The following SCMH1 variants were observed in gnomAD, a reference collection of about 807,000 sequenced individuals.
The protein encoded by SCMH1 is polycomb protein SCMH1.
SCMH1 carries 37 observed loss-of-function variants against 70.8 expected under a neutral mutation model. That is an observed-to-expected ratio of 0.52 (90% CI 0.40 to 0.69). SCMH1 has a LOEUF of 0.69. Ranked by LOEUF, SCMH1 falls within the 30% of genes least tolerant of loss-of-function variation. The pLI, the probability that SCMH1 is intolerant of heterozygous loss-of-function variation, is 0.00. For missense variants in SCMH1, 607 were observed against 827.3 expected, an observed-to-expected ratio of 0.73 and a Z score of 3.27; for synonymous variants, 292 against 307.4, an observed-to-expected ratio of 0.95 and a Z score of 0.52.
At chr1:41,112,109 C>A (rs1669391357) in intron 8 of SCMH1, among the ~76,000 whole-genome samples, 1 of 152,046 alleles carries the variant, frequency 6.6e-6, no homozygotes, top group African/African-American at 2.4e-5. Flanking sequence ...TATTTTATTT[C>A]TGTCTATAAA....
intron 4 of SCMH1, chr1:41,152,514 G>T: frequency 1.4e-6 from 2 of 1,408,672 alleles, no homozygotes; most frequent in Non-Finnish European, 2.0e-6. Flanking sequence ...AGGAACATTT[G>T]ATACAGACCT....
At chr1:41,177,762 A>C (rs909139724) in intron 2 of SCMH1, among the ~76,000 whole-genome samples, 2 of 152,220 alleles carry the variant, frequency 1.3e-5, no homozygotes, top group African/African-American at 4.8e-5. Context: ...TCTACGTCTG[A>C]TTGGTGTACC....
chr1:41,207,622 G>C (rs1655877316), intron 1 of SCMH1, among the ~76,000 whole-genome samples: 1 of 152,134 alleles, frequency 6.6e-6, no homozygotes, highest in South Asian at 2.1e-4. Flanking sequence ...GTCAATATTA[G>C]ACAGATCAAC....
intron 2 of SCMH1, among the ~76,000 whole-genome samples, chr1:41,181,850 C>T (rs928116062): frequency 7.8e-4 from 119 of 152,172 alleles, no homozygotes; most frequent in Non-Finnish European, 7.9e-4. Context: ...CATTACTGGG[C>T]ATATACCCAA....
chr1:41,095,117 A>T (rs1486925980), intron 8 of SCMH1, among the ~76,000 whole-genome samples: 2 of 152,164 alleles, frequency 1.3e-5, no homozygotes, highest in Non-Finnish European at 2.9e-5. Context: ...ACTAGAATAC[A>T]ACTTCTTAAG....
At chr1:41,085,585 T>A (rs1189152707) in intron 8 of SCMH1, among the ~76,000 whole-genome samples, 2 of 152,168 alleles carry the variant, frequency 1.3e-5, no homozygotes, top group Admixed American at 1.3e-4. Flanking sequence ...CAATCTGTAT[T>A]TGTAGATGAC....
chr1:41,118,482 T>C (rs923050379), intron 6 of SCMH1, among the ~76,000 whole-genome samples: 7 of 152,182 alleles, frequency 4.6e-5, no homozygotes, highest in African/African-American at 1.7e-4. Context: ...TCATTTTGGT[T>C]CCTCTCAATG....
At chr1:41,177,608 C>A (rs1647340325) in intron 2 of SCMH1, among the ~76,000 whole-genome samples, 1 of 152,056 alleles carries the variant, frequency 6.6e-6, no homozygotes, top group African/African-American at 2.4e-5. Flanking sequence ...GCCTCAGTAG[C>A]CGATTTGATC....
chr1:41,059,000 G>A (rs1396568958), intron 10 of SCMH1, among the ~76,000 whole-genome samples: 1 of 152,186 alleles, frequency 6.6e-6, no homozygotes, highest in Non-Finnish European at 1.5e-5. Context: ...GACCATCGAA[G>A]AGTTTACTTG....
At chr1:41,157,586 G>A (rs1349699817) in intron 4 of SCMH1, among the ~76,000 whole-genome samples, 1 of 152,204 alleles carries the variant, frequency 6.6e-6, no homozygotes. Context: ...TGTTTTCGAA[G>A]GTCCAGGCAG....
chr1:41,200,390 G>C (rs1007853995), intron 1 of SCMH1, among the ~76,000 whole-genome samples: 1 of 152,060 alleles, frequency 6.6e-6, no homozygotes, highest in African/African-American at 2.4e-5. Flanking sequence ...TGAGGCAGGA[G>C]AATGGCGTGA....
intron 2 of SCMH1, among the ~76,000 whole-genome samples, chr1:41,173,992 A>G (rs561833282): frequency 1.3e-5 from 2 of 152,290 alleles, no homozygotes; most frequent in East Asian, 3.9e-4. Context: ...CAGCTAAATA[A>G]AAGAAATAAG....
chr1:41,176,334 G>T (rs1434040154), intron 2 of SCMH1, among the ~76,000 whole-genome samples: 1 of 152,154 alleles, frequency 6.6e-6, no homozygotes, highest in Non-Finnish European at 1.5e-5. Flanking sequence ...CGACACAGAA[G>T]ACCGGTGATT....
intron 2 of SCMH1, among the ~76,000 whole-genome samples, chr1:41,172,259 A>C (rs1646839639): frequency 6.6e-6 from 1 of 152,046 alleles, no homozygotes; most frequent in Non-Finnish European, 1.5e-5. Flanking sequence ...TGCAGGACAT[A>C]AAATCAACAT....
At chr1:41,232,553 G>C (rs1438288844) in intron 1 of SCMH1, among the ~76,000 whole-genome samples, 1 of 152,108 alleles carries the variant, frequency 6.6e-6, no homozygotes, top group Non-Finnish European at 1.5e-5. Context: ...AGAGGACTGG[G>C]GTTGAAGTCA....
At chr1:41,060,977 A>G (rs1464017136) in intron 10 of SCMH1, among the ~76,000 whole-genome samples, 4 of 151,760 alleles carry the variant, frequency 2.6e-5, no homozygotes, top group African/African-American at 7.3e-5. Flanking sequence ...GTTAGCCACC[A>G]TGCCTGGCCT....
intron 1 of SCMH1, among the ~76,000 whole-genome samples, chr1:41,233,644 T>C (rs1661742430): frequency 6.6e-6 from 1 of 152,216 alleles, no homozygotes; most frequent in Non-Finnish European, 1.5e-5. Flanking sequence ...CATCCCGGTA[T>C]TCCTTACTGT....
chr1:41,239,246 G>GT, intron 1 of SCMH1, among the ~76,000 whole-genome samples: 1 of 152,280 alleles, frequency 6.6e-6, no homozygotes, highest in Admixed American at 6.5e-5. Flanking sequence ...GTCCCAAACT[G>GT]TTTGTGGTTC....
At chr1:41,239,830 C>T (rs1214033373) in intron 1 of SCMH1, among the ~76,000 whole-genome samples, 2 of 152,120 alleles carry the variant, frequency 1.3e-5, no homozygotes, top group Non-Finnish European at 2.9e-5. Flanking sequence ...GAGACAGGGT[C>T]TTGCTACGTA....
Sources: gnomAD v4.1 joint callset for allele counts (sites outside exome capture counted in the v4.1 genomes callset) on GRCh38, gnomAD v4.1.1 for gene constraint, MANE v1.5 for transcripts, NCBI Gene and HGNC (gene_info 2026-07-23, HGNC 2026-07-21) for gene names.